The following LILRB5 variants were observed in gnomAD, a reference collection of about 807,000 sequenced individuals.
The protein encoded by LILRB5 is leukocyte immunoglobulin like receptor B5.
LILRB5 carries 61 observed loss-of-function variants against 68.4 expected under a neutral mutation model. The ratio of observed to expected loss-of-function variants is 0.89; its 90% CI spans 0.73 to 1.10. The LOEUF (loss-of-function observed/expected upper bound fraction) is 1.10. Among genes scored for constraint, LILRB5 ranks in the 50% least tolerant of loss-of-function variants. The pLI is 0.00. For synonymous variants in LILRB5, 356 were observed against 315.8 expected (o/e 1.13, Z -1.35); for missense variants, 771 against 751.6 (o/e 1.03, Z -0.30).
Position 54,250,924 on chromosome 19 carries a change from T to C in LILRB5, c.1638A>G (p.Ala546=), listed in dbSNP as rs560458214. Residue 546 remains alanine, a synonymous_variant, in exon 13 of 13, where the codon GCA becomes GCG. Transcript: ENST00000449561. ...DGVEMDAPAA[A]SEAPQDVTYA... is the part of the protein sequence containing the mutation. ...AGGTCACATCCTGGGGGGCTTCAGA[T>C]GCAGCAGCCTGCAGCGGGGGAGAGT... The C allele has an allele frequency of 1.9e-5, 29 of 1,558,764 alleles. No individual in the cohort carries two copies. Among genetic ancestry groups the C allele is most frequent in the Non-Finnish European group, 2.4e-5 (28 of 1,157,302 alleles).
intron 7 of LILRB5, 71 bp downstream of exon 7, chr19:54,254,294 C>G: frequency 6.6e-7 from 1 of 1,516,650 alleles, no homozygotes; most frequent in Admixed American, 2.1e-5. Flanking sequence ...GGAATAGGAT[C>G]CTCGGGGAGA....
chr19:54,251,513 G>A (rs1335527494), intron 12 of LILRB5: 17 of 529,398 alleles, frequency 3.2e-5, no homozygotes, highest in Non-Finnish European at 5.7e-5. Flanking sequence ...TGAGCAGACA[G>A]CCCTCCCCTT....
chr19:54,255,143 C>T (rs1389785185), intron 5 of LILRB5, 106 bp from the exon 6 acceptor site: 2 of 1,462,262 alleles, frequency 1.4e-6, no homozygotes, highest in Non-Finnish European at 1.8e-6. Context: ...GAGTCTTCCC[C>T]TCCCCACCCA....
rs747944501 is a variant in LILRB5, at chr19:54,252,093, C to T, written c.1590G>A (p.Lys530=). ...CCACCCCGTCCTTGGGCTGTGTGTCCTTCACGGCAGCATCTGCTGGGCCAG... is the reference window on the plus strand; with the variant it reads ...CCACCCCGTCCTTGGGCTGTGTGTCTTTCACGGCAGCATCTGCTGGGCCAG... ...IQEEILNAAV[K]DTQPKDGVEM... Residue 530 remains lysine, a synonymous_variant, in exon 12 of 13, where the codon AAG becomes AAA. Coordinates refer to ENST00000449561, the MANE Select transcript of LILRB5 (RefSeq NM_001081442.3). 1.9e-6 allele frequency: 3 copies of T among 1,614,078 alleles called. No homozygotes were observed. Among genetic ancestry groups the T allele is most frequent in the Non-Finnish European group, 2.5e-6 (3 of 1,179,966 alleles).
intron 11 of LILRB5, 79 bp downstream of exon 11, chr19:54,252,287 T>C: frequency 1.4e-6 from 2 of 1,455,762 alleles, no homozygotes; most frequent in Non-Finnish European, 9.6e-7. Flanking sequence ...CCCCCCAGCC[T>C]GTGCTCCTGC....
intron 6 of LILRB5, 23 bp downstream of exon 6, chr19:54,254,712 C>G: frequency 1.2e-6 from 2 of 1,612,722 alleles, no homozygotes; most frequent in African/African-American, 1.3e-5. Context: ...TGAGCTTGGA[C>G]AGGACAGGGT....
chr19:54,252,538 G>A lies in LILRB5; in HGVS notation c.1486C>T (p.Arg496Cys), dbSNP rs139593424. 4.1e-5 allele frequency: 66 copies of A among 1,613,934 alleles called. No individual in the cohort carries two copies. The African/African-American group carries it at 4.7e-4, about 11-fold the overall frequency. Residue 496 changes from arginine (R) to cysteine (C), a missense_variant, in exon 10 of 13, where the codon CGT becomes TGT. By Grantham distance (180) the Arg-to-Cys change is radical. Transcript: ENST00000449561. ...SKHRTSAHFY[R>C]PAGAAGPEPK... ...TCTGGCCCCGCAGCCCCTGCAGGAC[G>A]GTAGAAATGGGCTGGACAGAGATGG... is the stretch of plus-strand genomic sequence containing the variant.
chr19:54,254,552 G>A, intron 6 of LILRB5, 137 bp from the exon 7 acceptor site: 2 of 1,265,120 alleles, frequency 1.6e-6, no homozygotes, highest in Non-Finnish European at 2.2e-6. Context: ...ATGGGGCCAA[G>A]TGTGGGCATG....
Position 54,252,518 on chromosome 19 carries a change from C to A in LILRB5, c.1506G>T (p.Gly502=). ...AHFYRPAGAA[G]PEPKDQGLQK... ...GCAGGCCCTGGTCCTTGGGCTCTGG[C>A]CCCGCAGCCCCTGCAGGACGGTAGA... The change falls in exon 10 of 13, where the codon GGG becomes GGT. Residue 502 remains glycine, a synonymous_variant. Transcript: ENST00000449561. The A allele has an allele frequency of 6.2e-7, 1 of 1,614,074 alleles. No individual in the cohort carries two copies. Among genetic ancestry groups the A allele is most frequent in the Non-Finnish European group, 8.5e-7 (1 of 1,180,018 alleles).
chr19:54,257,159 C>A lies in LILRB5; in HGVS notation c.34+1G>T, dbSNP rs917858411. ...CTTCCTTCCCCCTCTTCAAACCTCA[C>A]CGAGGCAAATCAGGACTGAGAGGGT... On this transcript the variant is annotated splice_donor_variant, in intron 1 of 12. Transcript: ENST00000449561. LOFTEE classifies it high-confidence loss of function. 1.2e-6 allele frequency: 2 copies of A among 1,614,222 alleles called. No individual in the cohort carries two copies. Among genetic ancestry groups the A allele is most frequent in the Admixed American group, 3.3e-5 (2 of 60,030 alleles).
rs1375212012 is a variant in LILRB5 at position 54,257,165 on chromosome 19, C to G, written c.29G>C (p.Cys10Ser). The G allele has an allele frequency of 1.9e-6, 3 of 1,614,200 alleles. No homozygotes were observed. The highest frequency in any genetic ancestry group is 1.7e-6 in the Non-Finnish European group (2 of 1,180,038). ...TCCCCCTCTTCAAACCTCACCGAGG[C>G]AAATCAGGACTGAGAGGGTGAGGGT... is the stretch of plus-strand genomic sequence containing the variant. MTLTLSVLICLGLSVGPRTC... is the reference protein window; with the variant it reads MTLTLSVLISLGLSVGPRTC... The change falls in exon 1 of 13, where the codon TGC (cysteine) becomes TCC (serine). Residue 10 changes from cysteine (C) to serine (S), a missense_variant. Cys to Ser is a moderately radical substitution (Grantham distance 112, BLOSUM62 -1). Transcript: ENST00000449561.
At chr19:54,255,999 C>G in intron 4 of LILRB5, 44 bp downstream of exon 4, 2 of 1,463,214 alleles carry the variant, frequency 1.4e-6, no homozygotes, top group Non-Finnish European at 1.8e-6. Context: ...AACAACCTAT[C>G]TGGTTCCCCA....
In LILRB5 at chr19:54,252,388, A is replaced by G; in HGVS notation, c.1554T>C (p.Ala518=). The G allele has an allele frequency of 6.2e-7, 1 of 1,614,088 alleles. No homozygotes were observed. Among genetic ancestry groups the G allele is most frequent in the Non-Finnish European group, 8.5e-7 (1 of 1,179,994 alleles). Residue 518 remains alanine (A), a synonymous_variant, in exon 11 of 13, where the codon GCT becomes GCC. Coordinates refer to ENST00000449561, the MANE Select transcript of LILRB5 (RefSeq NM_001081442.3). ...CACTGAGAATTTCCTCCTGGATGTC[A>G]GCAACTGGGCTGGCCCTGGGGGAGG... ...QGLQKRASPV[A]DIQEEILNAA...
chr19:54,255,849 C>T (rs1468941107), intron 4 of LILRB5, 194 bp downstream of exon 4: 13 of 651,886 alleles, frequency 2.0e-5, no homozygotes, highest in Admixed American at 1.5e-4. Context: ...CTTCCTGAGT[C>T]GACCCCTTCC....
chr19:54,257,239 CGGTGCCTG>C lies in LILRB5; in HGVS notation c.-54_-47del. The C allele has an allele frequency of 1.2e-6, 2 of 1,612,984 alleles. No homozygotes were observed. The highest frequency in any genetic ancestry group is 1.7e-6 in the Non-Finnish European group (2 of 1,179,076). Reference sequence around the variant, plus strand: ...TCAGCTGTGCAGGCGGATGAGACCACGGTGCCTGGCAGGACACAAAAACACGCAGAGTG... The same window carrying C: ...TCAGCTGTGCAGGCGGATGAGACCACGCAGGACACAAAAACACGCAGAGTG... On this transcript the variant is annotated 5_prime_UTR_variant, in exon 1 of 13. Transcript: ENST00000449561.
In LILRB5 at chr19:54,249,904, G is replaced by C. The variant is rs2078892382; in HGVS notation, c.*882C>G. 1 of 152,256 alleles carries C rather than the reference G, an allele frequency of 6.6e-6. No homozygotes were observed. Among genetic ancestry groups the C allele is most frequent in the Admixed American group, 6.5e-5 (1 of 15,278 alleles). The allele number at this position is 152,256 out of a possible 1,614,324, so 9.4% of individuals were successfully genotyped here. ...AAAAATTAGCCGGGCGTGGTGGCAGGTGCCTGTAGTCCCAGTTACTCGGGA... is the reference window on the plus strand; with the variant it reads ...AAAAATTAGCCGGGCGTGGTGGCAGCTGCCTGTAGTCCCAGTTACTCGGGA... On this transcript the variant is annotated 3_prime_UTR_variant, in exon 13 of 13. Transcript: ENST00000449561.
chr19:54,257,235 A>G lies in LILRB5; in HGVS notation c.-42T>C, dbSNP rs1484494357. 3 of 1,613,632 alleles carry G rather than the reference A, an allele frequency of 1.9e-6. No homozygotes were observed. Among genetic ancestry groups the G allele is most frequent in the African/African-American group, 2.7e-5 (2 of 74,914 alleles). ...GGACTCAGCTGTGCAGGCGGATGAG[A>G]CCACGGTGCCTGGCAGGACACAAAA... On this transcript the variant is annotated 5_prime_UTR_variant, in exon 1 of 13. Coordinates refer to ENST00000449561, the MANE Select transcript of LILRB5 (RefSeq NM_001081442.3).
rs772279322 is a variant in LILRB5 at position 54,254,777 on chromosome 19, G to C, written c.1213C>G (p.Leu405Val). Residue 405 changes from leucine to valine, a missense_variant, in exon 6 of 13, where the codon CTG becomes GTG. Leu to Val is a conservative substitution (Grantham distance 32). Coordinates refer to ENST00000449561, the MANE Select transcript of LILRB5 (RefSeq NM_001081442.3). ...TGGGGGTAACTAGGGCTGGACAGCA[G>C]GTAGGGGTAGGACCTGATTGCGCTG... ...CYSAIRSYPYLLSSPSYPQEL... is the reference protein window; with the variant it reads ...CYSAIRSYPYVLSSPSYPQEL... The C allele has an allele frequency of 6.2e-7, 1 of 1,614,170 alleles. No individual in the cohort carries two copies. Among genetic ancestry groups the C allele is most frequent in the South Asian group, 1.1e-5 (1 of 91,092 alleles).
Position 54,254,636 on chromosome 19 carries a change from C to T in LILRB5, c.1255+99G>A, listed in dbSNP as rs767898988. 1.2e-5 allele frequency: 18 copies of T among 1,441,558 alleles called. No individual in the cohort carries two copies. In the East Asian group the frequency reaches 2.6e-4, roughly 21 times the overall value. 89.3% of individuals were successfully genotyped at this position (1,441,558 alleles called of 1,614,324 possible). On this transcript the variant is annotated intron_variant, in intron 6 of 12. Transcript: ENST00000449561. ...TCTGGCTGAGCCCCCCTCAAACCCT[C>T]CCCCCCGCACCGCGACTCCATCCCA...
Sources: gnomAD v4.1 joint callset for allele counts on GRCh38, gnomAD v4.1.1 for gene constraint, MANE v1.5 for transcripts, NCBI Gene and HGNC (gene_info 2026-07-23, HGNC 2026-07-21) for gene names.